The following ATP8B1 variants were observed in gnomAD, a reference collection of about 807,000 sequenced individuals.
ATP8B1 encodes the protein ATPase phospholipid transporting 8B1, also known as phospholipid-transporting ATPase IC.
ATP8B1 carries 80 observed loss-of-function variants against 149.9 expected under a neutral mutation model. That is an observed-to-expected ratio of 0.53 (90% CI 0.45 to 0.64). ATP8B1 has a LOEUF of 0.64. Among genes scored for constraint, ATP8B1 ranks in the 30% least tolerant of loss-of-function variants. The probability of loss-of-function intolerance (pLI) is 0.00; values close to 1 mark genes in which losing one functional copy is unlikely to be tolerated. For missense variants in ATP8B1, 1,247 were observed against 1,552.6 expected (o/e 0.80, Z 3.31); for synonymous variants, 536 against 562.8 (o/e 0.95, Z 0.67).
intron 6 of ATP8B1, among the ~76,000 whole-genome samples, chr18:57,700,363 A>G (rs1490996700): frequency 3.9e-5 from 6 of 152,222 alleles, no homozygotes; most frequent in Non-Finnish European, 1.5e-5. Context: ...TGAATGGCAG[A>G]TAAACACATA....
chr18:57,683,999 T>C, intron 15 of ATP8B1, 37 bp downstream of exon 15: 1 of 1,613,936 alleles, frequency 6.2e-7, no homozygotes, highest in Non-Finnish European at 8.5e-7. Flanking sequence ...ACAAAAAACC[T>C]GGTCTCTAAT....
chr18:57,648,683 C>A lies in ATP8B1; in HGVS notation c.3561G>T (p.Ala1187=). The part of the protein sequence containing the change: ...KIQKHRKRLK[A]EEQWQRRQQV... ...GCTGCCGTCGCTGCCACTGCTCCTC[C>A]GCCTTCAACCGCTTGCGATGCTTCT... The change falls in exon 28 of 28, where the codon GCG becomes GCT. Residue 1187 remains alanine, a synonymous_variant. Transcript: ENST00000648908. The A allele has an allele frequency of 6.4e-7, 1 of 1,561,900 alleles. No homozygotes were observed. The highest frequency in any genetic ancestry group is 8.7e-7 in the Non-Finnish European group (1 of 1,153,884).
intron 22 of ATP8B1, among the ~76,000 whole-genome samples, chr18:57,658,313 G>A (rs56950313): frequency 0.16 from 24,306 of 152,148 alleles, 2,052 homozygotes; most frequent in African/African-American, 0.21. Context: ...GCCTCCCAAA[G>A]TGCTGGGATT....
At chr18:57,761,673 G>T (rs2080159475) in intron 1 of ATP8B1, among the ~76,000 whole-genome samples, 1 of 150,972 alleles carries the variant, frequency 6.6e-6, no homozygotes. Flanking sequence ...TAATGGACTA[G>T]GCCAGGTACA....
At chr18:57,671,992 G>A (rs317837) in intron 16 of ATP8B1, among the ~76,000 whole-genome samples, 111,260 of 152,154 alleles carry the variant, frequency 0.73, 41,054 homozygotes, top group Admixed American at 0.8. Context: ...ATAATTCACT[G>A]TTAGCTTAAA....
chr18:57,755,892 C>T (rs935409717), intron 1 of ATP8B1, among the ~76,000 whole-genome samples: 4 of 152,060 alleles, frequency 2.6e-5, no homozygotes, highest in African/African-American at 9.7e-5. Flanking sequence ...AGAGGGCTTG[C>T]ACGCGCCCAG....
intron 1 of ATP8B1, among the ~76,000 whole-genome samples, chr18:57,742,727 G>A (rs913638976): frequency 5.3e-5 from 8 of 151,970 alleles, no homozygotes; most frequent in Non-Finnish European, 1.2e-4. Context: ...GGGAGGCTGA[G>A]GCAGAAGGAT....
At chr18:57,696,111 A>T (rs319441) in intron 8 of ATP8B1, among the ~76,000 whole-genome samples, 4 of 152,194 alleles carry the variant, frequency 2.6e-5, no homozygotes, top group African/African-American at 4.8e-5. Context: ...TCACGACTGA[A>T]GGCTTTATAT....
At chr18:57,669,801 C>T (rs1911120467) in intron 17 of ATP8B1, among the ~76,000 whole-genome samples, 1 of 152,070 alleles carries the variant, frequency 6.6e-6, no homozygotes, top group Non-Finnish European at 1.5e-5. Context: ...AGGTGTGCAC[C>T]ACCACGCCTG....
chr18:57,681,784 A>G (rs1911988014), intron 15 of ATP8B1, among the ~76,000 whole-genome samples: 1 of 152,050 alleles, frequency 6.6e-6, no homozygotes, highest in African/African-American at 2.4e-5. Flanking sequence ...CTGGGTGACA[A>G]GAGCAAGACT....
chr18:57,785,407 C>T (rs573596869), intron 1 of ATP8B1, among the ~76,000 whole-genome samples: 2 of 152,278 alleles, frequency 1.3e-5, no homozygotes, highest in South Asian at 2.1e-4. Context: ...AACAAATTCC[C>T]GATATTTTTG....
At chr18:57,649,269 T>G (rs1909442093) in intron 27 of ATP8B1, among the ~76,000 whole-genome samples, 1 of 149,750 alleles carries the variant, frequency 6.7e-6, no homozygotes, top group Non-Finnish European at 1.5e-5. Flanking sequence ...TCTCTCTATA[T>G]CTATACATAG....
chr18:57,655,187 A>G lies in ATP8B1; in HGVS notation c.2931+7T>C, dbSNP rs1909907561. On this transcript the variant is annotated splice_region_variant and intron_variant, in intron 23 of 27. Coordinates refer to ENST00000648908, the MANE Select transcript of ATP8B1 (RefSeq NM_001374385.1). The stretch of plus-strand genomic sequence containing the variant: ...AGTAAATAACAATAATAACAACATT[A>G]CATTACCTGCGCAGAGTAGCCATTG... 1 of 1,591,562 alleles carries G rather than the reference A, an allele frequency of 6.3e-7. No homozygotes were observed. Among genetic ancestry groups the G allele is most frequent in the African/African-American group, 1.3e-5 (1 of 74,402 alleles).
chr18:57,723,132 A>G (rs1181639529), intron 2 of ATP8B1, among the ~76,000 whole-genome samples: 2 of 150,932 alleles, frequency 1.3e-5, no homozygotes, highest in Non-Finnish European at 1.5e-5. Context: ...ACAAACCCAC[A>G]GCCAATATCA....
intron 4 of ATP8B1, among the ~76,000 whole-genome samples, chr18:57,702,320 G>C (rs1464406520): frequency 6.6e-6 from 1 of 152,218 alleles, no homozygotes; most frequent in Non-Finnish European, 1.5e-5. Context: ...GTATAATGTA[G>C]TGGTTAAAAT....
intron 2 of ATP8B1, 137 bp downstream of exon 2, chr18:57,731,490 C>T: frequency 1.0e-6 from 1 of 1,003,488 alleles, no homozygotes; most frequent in Non-Finnish European, 1.5e-6. Context: ...ACCATTCTGT[C>T]AGTCGCATCC....
intron 2 of ATP8B1, among the ~76,000 whole-genome samples, chr18:57,718,665 C>T (rs1214085862): frequency 6.6e-6 from 1 of 152,166 alleles, no homozygotes. Flanking sequence ...TTAAAAAGAT[C>T]ATTCATCATG....
intron 1 of ATP8B1, among the ~76,000 whole-genome samples, chr18:57,732,225 GTATATATGTGTA>G (rs2079784081): frequency 8.9e-5 from 1 of 11,296 alleles, no homozygotes; most frequent in African/African-American, 1.5e-4. Flanking sequence ...GTGTATATAT[GTATATATGTGTA>G]TATATATGTA....
intron 1 of ATP8B1, among the ~76,000 whole-genome samples, chr18:57,791,749 A>AT (rs2080467058): frequency 6.6e-6 from 1 of 152,240 alleles, no homozygotes; most frequent in Admixed American, 6.5e-5. Context: ...CTCCTAGGCC[A>AT]TTTTAAAGTA....
Sources: gnomAD v4.1 joint callset for allele counts (sites outside exome capture counted in the v4.1 genomes callset) on GRCh38, gnomAD v4.1.1 for gene constraint, MANE v1.5 for transcripts, NCBI Gene and HGNC (gene_info 2026-07-23, HGNC 2026-07-21) for gene names.